Variants in SNX3 observed in about 807,000 individuals in gnomAD.
The protein encoded by SNX3 is sorting nexin-3.
A neutral mutation model predicts 17.7 loss-of-function variants in SNX3; 5 were observed. The ratio of observed to expected loss-of-function variants is 0.28; its 90% CI spans 0.15 to 0.59. The LOEUF (loss-of-function observed/expected upper bound fraction) is 0.59, where lower values mean the gene tolerates loss of function less well. SNX3 is among the 20% of genes least tolerant of loss of function. The probability of loss-of-function intolerance (pLI) is 0.88; values close to 1 mark genes in which losing one functional copy is unlikely to be tolerated. For synonymous variants in SNX3, 91 were observed against 76.5 expected (o/e 1.19, Z -0.99); for missense variants, 132 against 206.8 (o/e 0.64, Z 2.22).
intron 1 of SNX3, 146 bp from the exon 2 acceptor site, chr6:108,223,191 T>C: frequency 3.4e-6 from 2 of 589,434 alleles, no homozygotes; most frequent in Non-Finnish European, 5.9e-6. Context: ...TAGGCTGGAG[T>C]GCAATGGCAC....
chr6:108,235,932 G>C (rs568815196), intron 1 of SNX3, among the ~76,000 whole-genome samples: 2 of 151,958 alleles, frequency 1.3e-5, no homozygotes, highest in Admixed American at 6.6e-5. Context: ...TCAACTCTTC[G>C]CTGTTTAGTT....
intron 3 of SNX3, 51 bp from the exon 4 acceptor site, chr6:108,212,305 A>ACTT (rs1774431013): frequency 8.3e-7 from 1 of 1,204,474 alleles, no homozygotes; most frequent in Non-Finnish European, 1.2e-6. Flanking sequence ...AAGGTGGGGG[A>ACTT]GTTCAAAACA....
intron 1 of SNX3, among the ~76,000 whole-genome samples, chr6:108,246,179 C>A (rs7756154): frequency 1.3e-5 from 2 of 151,988 alleles, no homozygotes; most frequent in Non-Finnish European, 2.9e-5. Flanking sequence ...TTTCCCAGCA[C>A]CATTTATTAA....
At chr6:108,236,352 C>G (rs1775330007) in intron 1 of SNX3, among the ~76,000 whole-genome samples, 1 of 148,128 alleles carries the variant, frequency 6.8e-6, no homozygotes, top group African/African-American at 2.5e-5. Flanking sequence ...ATATATAAAA[C>G]AGTTTCCACC....
chr6:108,237,117 C>T (rs989673322), intron 1 of SNX3, among the ~76,000 whole-genome samples: 2 of 152,198 alleles, frequency 1.3e-5, no homozygotes, highest in African/African-American at 2.4e-5. Flanking sequence ...AGTTTCAATA[C>T]ATAATCAGCT....
At chr6:108,227,716 A>T (rs1428572226) in intron 1 of SNX3, among the ~76,000 whole-genome samples, 1 of 152,184 alleles carries the variant, frequency 6.6e-6, no homozygotes, top group Non-Finnish European at 1.5e-5. Flanking sequence ...TGCCCATTAC[A>T]TATGCAGTGG....
intron 1 of SNX3, among the ~76,000 whole-genome samples, chr6:108,250,021 C>T (rs924147449): frequency 6.6e-6 from 1 of 152,094 alleles, no homozygotes; most frequent in Non-Finnish European, 1.5e-5. Flanking sequence ...AGTGATGCTC[C>T]CACCTCAGGT....
At chr6:108,232,770 C>T (rs1775210517) in intron 1 of SNX3, among the ~76,000 whole-genome samples, 1 of 152,154 alleles carries the variant, frequency 6.6e-6, no homozygotes, top group Non-Finnish European at 1.5e-5. Flanking sequence ...CAAATATCTA[C>T]ATCTAGAGAT....
rs987139538 is a variant in SNX3, at chr6:108,255,869, C to G, written c.162+4891G>C. Among the ~76,000 whole-genome samples, 76 of 152,110 alleles carry G rather than the reference C, an allele frequency of 5.0e-4. 1 individual carries two copies. Among genetic ancestry groups the G allele is most frequent in the Admixed American group, 4.5e-3 (68 of 15,272 alleles). On this transcript the variant is annotated intron_variant, in intron 1 of 3. Transcript: ENST00000230085. Reference sequence around the variant, plus strand: ...GATAAGATGCTACATTTATTTAGCACCTTGTCAAAATTTTTATCAGCCAAC... The same window carrying G: ...GATAAGATGCTACATTTATTTAGCAGCTTGTCAAAATTTTTATCAGCCAAC...
chr6:108,237,180 A>G (rs1237673390), intron 1 of SNX3, among the ~76,000 whole-genome samples: 2 of 152,216 alleles, frequency 1.3e-5, no homozygotes, highest in Non-Finnish European at 2.9e-5. Context: ...ACTGTTAGGT[A>G]TAATAAGTGG....
intron 1 of SNX3, among the ~76,000 whole-genome samples, chr6:108,238,830 A>C (rs1356815652): frequency 6.6e-6 from 1 of 152,060 alleles, no homozygotes; most frequent in Non-Finnish European, 1.5e-5. Flanking sequence ...GCAAACAAAC[A>C]TATGTAAGTA....
At chr6:108,233,315 G>C (rs1232536098) in intron 1 of SNX3, among the ~76,000 whole-genome samples, 1 of 152,088 alleles carries the variant, frequency 6.6e-6, no homozygotes. Context: ...AATCCTACAG[G>C]CTTATGCTGA....
At chr6:108,222,924 A>G in intron 2 of SNX3, 26 bp downstream of exon 2, 2 of 1,375,750 alleles carry the variant, frequency 1.5e-6, no homozygotes, top group Non-Finnish European at 2.1e-6. Flanking sequence ...GTTTTGCTTT[A>G]AAGTTGCATC....
intron 2 of SNX3, among the ~76,000 whole-genome samples, chr6:108,216,699 GAT>G (rs1162953856): frequency 6.6e-6 from 1 of 152,008 alleles, no homozygotes; most frequent in Non-Finnish European, 1.5e-5. Context: ...TTAAACCCTT[GAT>G]ATAGTTTCTA....
intron 1 of SNX3, among the ~76,000 whole-genome samples, chr6:108,225,283 A>C (rs1774940613): frequency 6.6e-6 from 1 of 151,948 alleles, no homozygotes; most frequent in African/African-American, 2.4e-5. Context: ...CTCCGTCTCC[A>C]AAAACAAAAA....
At chr6:108,246,149 T>C (rs1048468017) in intron 1 of SNX3, among the ~76,000 whole-genome samples, 2 of 152,076 alleles carry the variant, frequency 1.3e-5, no homozygotes, top group Admixed American at 1.3e-4. Flanking sequence ...GTTTCAGCTT[T>C]CTACATATGG....
chr6:108,242,150 CAGAA>C (rs1424748630), intron 1 of SNX3, among the ~76,000 whole-genome samples: 2 of 151,816 alleles, frequency 1.3e-5, no homozygotes, highest in South Asian at 2.1e-4. Context: ...TTCTGAAAAG[CAGAA>C]AGAAAGAAAA....
rs561160526 is a variant in SNX3 at position 108,220,968 on chromosome 6, C to CA, written c.258+1981dup. On this transcript the variant is annotated intron_variant, in intron 2 of 3. Transcript: ENST00000230085. The stretch of plus-strand genomic sequence containing the variant: ...TGCACTCCAGAGTGAGGCTCAGTCT[C>CA]AAAAAAAAAAAAGATGTTTTGATGT... Among the ~76,000 whole-genome samples the CA allele has an allele frequency of 4.4e-3, 610 of 138,584 alleles. 2 individuals carry two copies. The highest frequency in any genetic ancestry group is 5.5e-3 in the South Asian group (24 of 4,372). 90.9% of individuals were successfully genotyped at this position (138,584 alleles called of 152,430 possible).
intron 2 of SNX3, among the ~76,000 whole-genome samples, chr6:108,221,532 CTTTTTTTTTTTTTTT>C (rs554429322): frequency 1.0e-4 from 6 of 57,780 alleles, no homozygotes; most frequent in East Asian, 1.4e-3. Flanking sequence ...CAGTATTACA[CTTTTTTTTTTTTTTT>C]TTTTTTTTTT....
Sources: gnomAD v4.1 joint callset for allele counts (sites outside exome capture counted in the v4.1 genomes callset) on GRCh38, gnomAD v4.1.1 for gene constraint, MANE v1.5 for transcripts, NCBI Gene and HGNC (gene_info 2026-07-23, HGNC 2026-07-21) for gene names.